Variants in SHISA9 observed in about 807,000 individuals in gnomAD.
SHISA9 encodes protein shisa-9.
In SHISA9, 13 loss-of-function variants were observed where a neutral mutation model predicts 38.0. That is an observed-to-expected ratio of 0.34 (90% CI 0.22 to 0.54). The LOEUF (loss-of-function observed/expected upper bound fraction) is 0.54. Among genes scored for constraint, SHISA9 ranks in the 20% least tolerant of loss-of-function variants. SHISA9 has a pLI of 0.91. For synonymous variants in SHISA9, 275 were observed against 242.0 expected (o/e 1.14, Z -1.27); for missense variants, 538 against 575.8 (o/e 0.93, Z 0.67).
intron 2 of SHISA9, among the ~76,000 whole-genome samples, chr16:12,926,896 T>A (rs2071399632): frequency 6.6e-6 from 1 of 152,092 alleles, no homozygotes. Flanking sequence ...TCTGATTAAT[T>A]TTGTACAAAT....
chr16:13,276,855 ACT>A, the SHISA9 span, among the ~76,000 whole-genome samples: 3 of 152,094 alleles, frequency 2.0e-5, no homozygotes, highest in South Asian at 6.2e-4. Flanking sequence ...ATTTTCTCAC[ACT>A]CTGTGGGTTG....
At chr16:12,943,312 TGTGTGTGTGTGTGTGTGTGAGAGA>T (rs2071639616) in intron 2 of SHISA9, among the ~76,000 whole-genome samples, 9 of 57,800 alleles carry the variant, frequency 1.6e-4, no homozygotes, top group Non-Finnish European at 2.6e-4. Flanking sequence ...TGTGTGTGTG[TGTGTGTGTGTGTGTGTGTGAGAGA>T]GAGAGAGAGA....
At chr16:13,272,018 G>A in the SHISA9 span, among the ~76,000 whole-genome samples, 3 of 151,604 alleles carry the variant, frequency 2.0e-5, no homozygotes, top group African/African-American at 4.9e-5. Flanking sequence ...AGGAGAGTTT[G>A]CAGTGAGCTG....
intron 2 of SHISA9, among the ~76,000 whole-genome samples, chr16:13,134,773 G>A (rs1046025050): frequency 6.6e-6 from 1 of 152,110 alleles, no homozygotes; most frequent in Non-Finnish European, 1.5e-5. Flanking sequence ...TTGGTGGCTT[G>A]AAACAACACA....
At chr16:12,949,186 A>G (rs1395527087) in intron 2 of SHISA9, among the ~76,000 whole-genome samples, 2 of 152,176 alleles carry the variant, frequency 1.3e-5, no homozygotes, top group East Asian at 3.9e-4. Context: ...AGCATGTATT[A>G]TGGGAGTACT....
At chr16:12,972,937 G>C (rs2072103762) in intron 2 of SHISA9, among the ~76,000 whole-genome samples, 1 of 152,138 alleles carries the variant, frequency 6.6e-6, no homozygotes, top group Admixed American at 6.5e-5. Flanking sequence ...CCAACATGGT[G>C]AAACCCTGTA....
the SHISA9 span, among the ~76,000 whole-genome samples, chr16:13,557,209 A>T: frequency 2.6e-5 from 4 of 152,244 alleles, no homozygotes; most frequent in African/African-American, 9.6e-5. Flanking sequence ...AAACATTTGA[A>T]TTCAAATCTC....
chr16:13,008,725 TC>T (rs1023921231), intron 2 of SHISA9, among the ~76,000 whole-genome samples: 1 of 144,128 alleles, frequency 6.9e-6, no homozygotes, highest in Non-Finnish European at 1.5e-5. Flanking sequence ...ATGCCTTGCT[TC>T]CCCTTTACCT....
At chr16:13,028,830 G>C (rs1015712395) in intron 2 of SHISA9, among the ~76,000 whole-genome samples, 4 of 152,186 alleles carry the variant, frequency 2.6e-5, no homozygotes, top group African/African-American at 9.7e-5. Flanking sequence ...TGCAGATGGT[G>C]GTGAAATTCT....
Position 12,902,598 on chromosome 16 carries a change from G to A in SHISA9, c.534G>A (p.Ala178=). 1 of 1,550,656 alleles carries A rather than the reference G, an allele frequency of 6.4e-7. No individual in the cohort carries two copies. Among genetic ancestry groups the A allele is most frequent in the Non-Finnish European group, 8.7e-7 (1 of 1,146,830 alleles). The part of the protein sequence containing the change: ...GIFTKLGLEK[A]HRPQREHMSR... ...TCACCAAGCTGGGGCTGGAGAAAGC[G>A]CACCGGCCCCAAAGGGAGCACATGT... Residue 178 remains alanine, a synonymous_variant, in exon 1 of 5, where the codon GCG becomes GCA. Coordinates refer to ENST00000558583, the MANE Select transcript of SHISA9 (RefSeq NM_001145204.3).
chr16:13,287,666 T>C, the SHISA9 span, among the ~76,000 whole-genome samples: 1 of 152,208 alleles, frequency 6.6e-6, no homozygotes, highest in East Asian at 1.9e-4. Flanking sequence ...TGTGCTGGCT[T>C]TTGTCCAGAG....
At chr16:12,908,535 C>T (rs1445469357) in intron 1 of SHISA9, 2 of 1,552,016 alleles carry the variant, frequency 1.3e-6, no homozygotes, top group East Asian at 2.4e-5. Context: ...GAGGACGAAC[C>T]TGCCCCTGGA....
intron 2 of SHISA9, among the ~76,000 whole-genome samples, chr16:12,985,233 ATAAATAAG>A (rs1195995501): frequency 7.9e-6 from 1 of 127,114 alleles, no homozygotes; most frequent in African/African-American, 3.4e-5. Context: ...AAATAAATAA[ATAAATAAG>A]TAAATAAATA....
chr16:13,218,873 C>T (rs1220745450), intron 4 of SHISA9, among the ~76,000 whole-genome samples: 1 of 152,144 alleles, frequency 6.6e-6, no homozygotes, highest in African/African-American at 2.4e-5. Context: ...TAGACCATCC[C>T]AGGGGAGGGA....
At chr16:13,232,270 A>C (rs1319236205) in intron 4 of SHISA9, among the ~76,000 whole-genome samples, 1 of 152,110 alleles carries the variant, frequency 6.6e-6, no homozygotes, top group Non-Finnish European at 1.5e-5. Flanking sequence ...AGTGTAGATA[A>C]TCTTATAATA....
At chr16:13,324,128 G>T in the SHISA9 span, among the ~76,000 whole-genome samples, 4 of 152,116 alleles carry the variant, frequency 2.6e-5, no homozygotes, top group East Asian at 3.9e-4. Flanking sequence ...GCTTCCTAAG[G>T]CCTCACCAGA....
chr16:12,911,505 C>A, intron 1 of SHISA9: 1 of 482,460 alleles, frequency 2.1e-6, no homozygotes, highest in Non-Finnish European at 2.7e-6. Context: ...AATTTCAAAC[C>A]AAGCTTGAGG....
chr16:13,519,651 A>G, the SHISA9 span, among the ~76,000 whole-genome samples: 2 of 152,192 alleles, frequency 1.3e-5, no homozygotes, highest in Non-Finnish European at 2.9e-5. Context: ...GATTTAATTG[A>G]CTCACAGTTC....
the SHISA9 span, among the ~76,000 whole-genome samples, chr16:13,388,204 G>C: frequency 6.6e-6 from 1 of 151,936 alleles, no homozygotes; most frequent in Non-Finnish European, 1.5e-5. Flanking sequence ...TCAATCCCAA[G>C]AGTCAAATAG....
Sources: allele counts gnomAD v4.1 joint callset (sites outside exome capture counted in the v4.1 genomes callset), GRCh38; gene constraint gnomAD v4.1.1; transcripts MANE v1.5; gene names NCBI Gene and HGNC (gene_info 2026-07-23, HGNC 2026-07-21).